PUM1: variants seen among roughly 807,000 people sequenced by gnomAD.
PUM1 encodes the protein pumilio homolog 1.
PUM1 carries 13 observed loss-of-function variants against 131.8 expected under a neutral mutation model. The observed-to-expected ratio is 0.10, with a 90% confidence interval of 0.06 to 0.16. The LOEUF (loss-of-function observed/expected upper bound fraction) is 0.16. Ranked by LOEUF, PUM1 falls within the 10% of genes least tolerant of loss-of-function variation. PUM1 has a pLI of 1.00. For missense variants in PUM1, 961 were observed against 1,512.4 expected, an observed-to-expected ratio of 0.64 and a Z score of 6.05; for synonymous variants, 509 against 556.5, an observed-to-expected ratio of 0.91 and a Z score of 1.20.
At chr1:30,976,089 C>CA (rs11398686) in intron 9 of PUM1, among the ~76,000 whole-genome samples, 65,455 of 131,122 alleles carry the variant, frequency 0.5, 17,579 homozygotes, top group African/African-American at 0.75. Flanking sequence ...AGTGTGTCTC[C>CA]AAAAAAAAAA....
intron 2 of PUM1, among the ~76,000 whole-genome samples, chr1:31,053,062 G>A (rs1455061032): frequency 1.3e-5 from 2 of 150,030 alleles, no homozygotes; most frequent in African/African-American, 4.9e-5. Flanking sequence ...ACCCAGGCTG[G>A]AATGCAGTGG....
intron 9 of PUM1, among the ~76,000 whole-genome samples, chr1:30,977,912 C>G (rs1641204154): frequency 6.6e-6 from 1 of 152,130 alleles, no homozygotes; most frequent in African/African-American, 2.4e-5. Flanking sequence ...GTTCAAACCC[C>G]AACTCTACAA....
At chr1:31,017,199 C>A (rs1317778613) in intron 3 of PUM1, among the ~76,000 whole-genome samples, 1 of 152,184 alleles carries the variant, frequency 6.6e-6, no homozygotes, top group Non-Finnish European at 1.5e-5. Flanking sequence ...AAAAGACATT[C>A]TTTGCCCTGA....
intron 10 of PUM1, among the ~76,000 whole-genome samples, chr1:30,972,156 G>A (rs1434249694): frequency 6.7e-6 from 1 of 150,152 alleles, no homozygotes; most frequent in Non-Finnish European, 1.5e-5. Context: ...TAGGGAGGCT[G>A]AGGCACGAGA....
At position 30,931,771 on chromosome 1, in the gene PUM1, C is replaced by T. The variant is rs1638983307; in HGVS notation, c.*1440G>A. ...CATTCACTTACAAGTAGACAAAATG[C>T]AAAATACAGTTCATCTTCTGTACAA... is the stretch of plus-strand genomic sequence containing the variant. On this transcript the variant is annotated 3_prime_UTR_variant, in exon 22 of 22. Transcript: ENST00000426105. 2 of 152,486 alleles carry T rather than the reference C, an allele frequency of 1.3e-5. No homozygotes were observed. Among genetic ancestry groups the T allele is most frequent in the Non-Finnish European group, 2.9e-5 (2 of 67,998 alleles). 9.4% of individuals were successfully genotyped at this position (152,486 alleles called of 1,614,324 possible). A position where few individuals can be genotyped will look rare whatever the true frequency, so the allele number is the denominator to read the frequency against.
intron 2 of PUM1, among the ~76,000 whole-genome samples, chr1:31,031,883 G>A (rs1329402551): frequency 1.4e-4 from 1 of 7,004 alleles, no homozygotes; most frequent in Non-Finnish European, 2.9e-4. Context: ...GCCTCCCCTG[G>A]CCCTCTCTCT....
At chr1:31,041,157 A>G (rs1366109745) in intron 2 of PUM1, among the ~76,000 whole-genome samples, 1 of 152,254 alleles carries the variant, frequency 6.6e-6, no homozygotes, top group Non-Finnish European at 1.5e-5. Flanking sequence ...AATACAGTAC[A>G]GGAATTGAAG....
intron 5 of PUM1, among the ~76,000 whole-genome samples, chr1:31,000,452 A>G (rs76755516): frequency 6.6e-6 from 1 of 152,210 alleles, no homozygotes; most frequent in African/African-American, 2.4e-5. Flanking sequence ...AGAAATTGCT[A>G]AATATCAAAG....
Position 30,941,595 on chromosome 1 carries a change from T to C in PUM1, c.3121-323A>G, listed in dbSNP as rs140852675. Among the ~76,000 whole-genome samples the C allele has an allele frequency of 3.0e-3, 457 of 152,314 alleles. 5 individuals carry two copies. The highest frequency in any genetic ancestry group is 0.018 in the South Asian group (88 of 4,828). ...ATCTATAACAGAGAAAAACTGGAAA[T>C]ATTTATGTCCAACAAAAAACAAGGG... On this transcript the variant is annotated intron_variant, in intron 19 of 21. Transcript: ENST00000426105.
chr1:31,021,086 G>A (rs937920842), intron 3 of PUM1, among the ~76,000 whole-genome samples: 1 of 152,172 alleles, frequency 6.6e-6, no homozygotes, highest in East Asian at 1.9e-4. Context: ...CCATCGATCT[G>A]TAACAACGTA....
intron 10 of PUM1, among the ~76,000 whole-genome samples, chr1:30,970,961 G>C (rs531423453): frequency 6.6e-6 from 1 of 152,264 alleles, no homozygotes; most frequent in South Asian, 2.1e-4. Flanking sequence ...TTGTAATAAG[G>C]AAGGAAAACA....
At chr1:30,962,958 G>T (rs1440372400) in intron 14 of PUM1, among the ~76,000 whole-genome samples, 1 of 152,118 alleles carries the variant, frequency 6.6e-6, no homozygotes, top group African/African-American at 2.4e-5. Flanking sequence ...GAAATTAAAA[G>T]ATACATATTT....
chr1:31,013,204 GA>G (rs1557585598), intron 3 of PUM1, among the ~76,000 whole-genome samples: 2 of 152,122 alleles, frequency 1.3e-5, no homozygotes, highest in East Asian at 3.8e-4. Flanking sequence ...AACACTACAA[GA>G]ACCATGATTA....
intron 2 of PUM1, among the ~76,000 whole-genome samples, chr1:31,030,583 C>T (rs538667678): frequency 6.6e-4 from 101 of 152,116 alleles, no homozygotes; most frequent in African/African-American, 2.2e-3. Flanking sequence ...CGGTGATGCA[C>T]GCCTATGGTC....
chr1:31,048,447 C>T (rs1429425877), intron 2 of PUM1, among the ~76,000 whole-genome samples: 1 of 150,580 alleles, frequency 6.6e-6, no homozygotes, highest in Non-Finnish European at 1.5e-5. Flanking sequence ...AAGGTAAATT[C>T]TTTTTTCTTT....
In PUM1 at chr1:30,953,995, A is replaced by T; in HGVS notation, c.2324-14T>A. The T allele has an allele frequency of 6.2e-7, 1 of 1,611,240 alleles. No individual in the cohort carries two copies. The highest frequency in any genetic ancestry group is 8.5e-7 in the Non-Finnish European group (1 of 1,177,914). On this transcript the variant is annotated splice_polypyrimidine_tract_variant and intron_variant, in intron 14 of 21. Transcript: ENST00000426105. ...TCGTGAGTCCTCCTGTTGGTTACAGAACAGGATAACTTAAGACCACTCTTC... is the reference window on the plus strand; with the variant it reads ...TCGTGAGTCCTCCTGTTGGTTACAGTACAGGATAACTTAAGACCACTCTTC...
chr1:30,999,491 C>T (rs914859566), intron 5 of PUM1, among the ~76,000 whole-genome samples: 2 of 151,618 alleles, frequency 1.3e-5, no homozygotes, highest in Non-Finnish European at 2.9e-5. Context: ...CCTGTAATCC[C>T]AGCTACTCGG....
intron 2 of PUM1, among the ~76,000 whole-genome samples, chr1:31,039,753 TAG>T (rs953089293): frequency 1.3e-5 from 2 of 151,922 alleles, no homozygotes; most frequent in Admixed American, 6.6e-5. Context: ...ACACAAAAAT[TAG>T]CCAGGCATGG....
intron 2 of PUM1, among the ~76,000 whole-genome samples, chr1:31,035,432 ATAATATTATTCCCATT>A (rs1643575854): frequency 6.6e-6 from 1 of 151,834 alleles, no homozygotes; most frequent in Non-Finnish European, 1.5e-5. Context: ...GAAAACACAG[ATAATATTATTCCCATT>A]TTGGAAGCAA....
Sources: allele counts gnomAD v4.1 joint callset (sites outside exome capture counted in the v4.1 genomes callset), GRCh38; gene constraint gnomAD v4.1.1; transcripts MANE v1.5; gene names NCBI Gene and HGNC (gene_info 2026-07-23, HGNC 2026-07-21).